Variants in ISLR observed in about 807,000 individuals in gnomAD.
ISLR encodes the protein immunoglobulin superfamily containing leucine-rich repeat protein.
Under a neutral mutation model 11.0 loss-of-function variants are expected in ISLR, and 9 were observed. The ratio of observed to expected loss-of-function variants is 0.82; its 90% CI spans 0.49 to 1.43. The LOEUF (loss-of-function observed/expected upper bound fraction) is 1.43, where lower values mean the gene tolerates loss of function less well. Among genes scored for constraint, ISLR ranks in the 40% most tolerant of loss-of-function variants. ISLR has a pLI of 0.00. For synonymous variants in ISLR, 262 were observed against 264.1 expected, an observed-to-expected ratio of 0.99 and a Z score of 0.08; for missense variants, 510 against 576.4, an observed-to-expected ratio of 0.88 and a Z score of 1.18.
rs942605055 is a variant in ISLR at position 74,176,583 on chromosome 15, A to G, written c.*438A>G. On this transcript the variant is annotated 3_prime_UTR_variant, in exon 2 of 2. Coordinates refer to ENST00000249842, the MANE Select transcript of ISLR (RefSeq NM_005545.4). ...GGAATGGGAGAGGAGGATGGGAAGT[A>G]GACAGTGGCTGGTATGGCTCTGAGG... 1.1e-5 allele frequency: 2 copies of G among 185,868 alleles called. No homozygotes were observed. The highest frequency in any genetic ancestry group is 3.4e-4 in the East Asian group (2 of 5,910). The allele number at this position is 185,868 out of a possible 1,614,324, so 11.5% of individuals were successfully genotyped here.
Position 74,175,290 on chromosome 15 carries a change from C to A in ISLR, c.432C>A (p.Ser144Arg), listed in dbSNP as rs769937742. The change falls in exon 2 of 2, where the codon AGC becomes AGA. Residue 144 changes from serine (S) to arginine (R), a missense_variant. Ser to Arg is a moderately radical substitution (Grantham distance 110, BLOSUM62 -1). Transcript: ENST00000249842. This position sits in a 1 kb window ranked among gnomAD's most constrained non-coding sequence, Gnocchi z 4.7. Reference sequence around the variant, plus strand: ...TCATCCCCCGCGACGCCTTCCGCAGCCTCCGTGCTCTGCGCTCGCTGCAAC... The same window carrying A: ...TCATCCCCCGCGACGCCTTCCGCAGACTCCGTGCTCTGCGCTCGCTGCAAC... ...LTFIPRDAFR[S>R]LRALRSLQLN... The A allele has an allele frequency of 1.5e-5, 24 of 1,612,118 alleles. No individual in the cohort carries two copies. The East Asian group carries it at 4.5e-4, about 30-fold the overall frequency.
rs2072794593 is a variant in ISLR, at chr15:74,176,201, T to C, written c.*56T>C. 4.7e-5 allele frequency: 68 copies of C among 1,442,782 alleles called. No individual in the cohort carries two copies. The highest frequency in any genetic ancestry group is 6.0e-5 in the Non-Finnish European group (64 of 1,070,266). 89.4% of individuals were successfully genotyped at this position (1,442,782 alleles called of 1,614,324 possible). A position where few individuals can be genotyped will look rare whatever the true frequency, so the allele number is the denominator to read the frequency against. On this transcript the variant is annotated 3_prime_UTR_variant, in exon 2 of 2. Coordinates refer to ENST00000249842, the MANE Select transcript of ISLR (RefSeq NM_005545.4). The stretch of plus-strand genomic sequence containing the variant: ...TTGCCCCTACCAATGCCCCTTTAAG[T>C]GCTGCAGGGGTCTGGGGTTGGCAAC...
In ISLR at chr15:74,175,472, A is replaced by C; in HGVS notation, c.614A>C (p.Gln205Pro). ...ACCACGGCCGTGTCCATCCCGGAGC[A>C]GGACAACATCGCCTGCACCTCACCC... is the stretch of plus-strand genomic sequence containing the variant. ...ALTTAVSIPE[Q>P]DNIACTSPHV... The change falls in exon 2 of 2, where the codon CAG (glutamine) becomes CCG (proline). Residue 205 changes from glutamine (Q) to proline (P), a missense_variant. Coordinates refer to ENST00000249842, the MANE Select transcript of ISLR (RefSeq NM_005545.4). The surrounding 1 kb of genome is among the most constrained non-coding windows in gnomAD (Gnocchi z 4.7). 1 of 1,610,920 alleles carries C rather than the reference A, an allele frequency of 6.2e-7. No homozygotes were observed. Among genetic ancestry groups the C allele is most frequent in the Non-Finnish European group, 8.5e-7 (1 of 1,179,958 alleles).
Position 74,175,666 on chromosome 15 carries a change from C to T in ISLR, c.808C>T (p.His270Tyr). 6.2e-7 allele frequency: 1 copy of T among 1,614,152 alleles called. No individual in the cohort carries two copies. Among genetic ancestry groups the T allele is most frequent in the South Asian group, 1.1e-5 (1 of 91,086 alleles). ...GCAGCCGGCCCCTCAGCTTCACTGG[C>T]ACATCCAGATACCCAGTGGCATTGT... is the stretch of plus-strand genomic sequence containing the variant. ...DGQPAPQLHW[H>Y]IQIPSGIVEI... The change falls in exon 2 of 2, where the codon CAC becomes TAC. Residue 270 changes from histidine to tyrosine, a missense_variant. Transcript: ENST00000249842. This position sits in a 1 kb window ranked among gnomAD's most constrained non-coding sequence, Gnocchi z 4.7.
chr15:74,174,622 C>G (rs920421091), intron 1 of ISLR: 10 of 458,752 alleles, frequency 2.2e-5, no homozygotes, highest in Middle Eastern at 5.5e-4. Flanking sequence ...TCTTCCATCC[C>G]GTCTTCATCC....
rs1314970189 is a variant in ISLR, at chr15:74,176,511, G to A, written c.*366G>A. 1 of 253,166 alleles carries A rather than the reference G, an allele frequency of 3.9e-6. No homozygotes were observed. Among genetic ancestry groups the A allele is most frequent in the Non-Finnish European group, 8.1e-6 (1 of 123,148 alleles). The allele number at this position is 253,166 out of a possible 1,614,324, so 15.7% of individuals were successfully genotyped here. A position where few individuals can be genotyped will look rare whatever the true frequency, so the allele number is the denominator to read the frequency against. ...GTCAAGCTGGCAAGGGCCAGGATTG[G>A]GGGAATGGAGCTGGGGCTTAGCTGG... On this transcript the variant is annotated 3_prime_UTR_variant, in exon 2 of 2. Transcript: ENST00000249842.
chr15:74,176,265 T>C lies in ISLR; in HGVS notation c.*120T>C. On this transcript the variant is annotated 3_prime_UTR_variant, in exon 2 of 2. Coordinates refer to ENST00000249842, the MANE Select transcript of ISLR (RefSeq NM_005545.4). ...ATGGGTGACTTCACATTTTCCTACC[T>C]CTCCTTCTAATCTCTTCTAGAGCAC... 1 of 741,806 alleles carries C rather than the reference T, an allele frequency of 1.3e-6. No homozygotes were observed. Among genetic ancestry groups the C allele is most frequent in the Non-Finnish European group, 2.2e-6 (1 of 460,774 alleles). 46.0% of individuals were successfully genotyped at this position (741,806 alleles called of 1,614,324 possible). A position where few individuals can be genotyped will look rare whatever the true frequency, so the allele number is the denominator to read the frequency against.
In ISLR at chr15:74,176,208, G is replaced by A. The variant is rs1409831172; in HGVS notation, c.*63G>A. The A allele has an allele frequency of 2.1e-6, 3 of 1,407,700 alleles. No individual in the cohort carries two copies. The highest frequency in any genetic ancestry group is 2.3e-5 in the East Asian group (1 of 42,710). 87.2% of individuals were successfully genotyped at this position (1,407,700 alleles called of 1,614,324 possible). ...TACCAATGCCCCTTTAAGTGCTGCA[G>A]GGGTCTGGGGTTGGCAACTCCTGAG... On this transcript the variant is annotated 3_prime_UTR_variant, in exon 2 of 2. Transcript: ENST00000249842.
rs1441114285 is a variant in ISLR, at chr15:74,175,746, T to C, written c.888T>C (p.Pro296=). The change falls in exon 2 of 2, where the codon CCT becomes CCC. Residue 296 remains proline, a synonymous_variant. Transcript: ENST00000249842. The surrounding 1 kb of genome is among the most constrained non-coding windows in gnomAD (Gnocchi z 4.7). ...GTDGRALPGT[P]VASSQPRFQA... ...ATGGGCGTGCCCTGCCTGGCACCCC[T>C]GTGGCCAGCTCCCAGCCGCGCTTCC... is the stretch of plus-strand genomic sequence containing the variant. 6 of 1,613,724 alleles carry C rather than the reference T, an allele frequency of 3.7e-6. No individual in the cohort carries two copies. The highest frequency in any genetic ancestry group is 4.2e-6 in the Non-Finnish European group (5 of 1,179,838).
In ISLR at chr15:74,175,247, A is replaced by G; in HGVS notation, c.389A>G (p.Asp130Gly). The part of the protein sequence containing the change: ...NLSALQLLKM[D>G]SNELTFIPRD... ...AGTGCCCTCCAATTGCTCAAGATGGACAGCAACGAGCTGACCTTCATCCCC... is the reference window on the plus strand; with the variant it reads ...AGTGCCCTCCAATTGCTCAAGATGGGCAGCAACGAGCTGACCTTCATCCCC... The change falls in exon 2 of 2, where the codon GAC (aspartate) becomes GGC (glycine). Residue 130 changes from aspartate to glycine, a missense_variant. Coordinates refer to ENST00000249842, the MANE Select transcript of ISLR (RefSeq NM_005545.4). This position sits in a 1 kb window ranked among gnomAD's most constrained non-coding sequence, Gnocchi z 4.7. 1.2e-6 allele frequency: 2 copies of G among 1,613,308 alleles called. No homozygotes were observed. The highest frequency in any genetic ancestry group is 1.7e-6 in the Non-Finnish European group (2 of 1,180,002).
At position 74,176,151 on chromosome 15, in the gene ISLR, C is replaced by G. The variant is rs752372223; in HGVS notation, c.*6C>G. 1 of 1,536,142 alleles carries G rather than the reference C, an allele frequency of 6.5e-7. No homozygotes were observed. The highest frequency in any genetic ancestry group is 8.8e-7 in the Non-Finnish European group (1 of 1,142,346). ...TCTTCCTCACCTCCTTCTAGCCCCA[C>G]CCAGGGCTTCCCTAACTCCTCCCCT... is the stretch of plus-strand genomic sequence containing the variant. On this transcript the variant is annotated 3_prime_UTR_variant, in exon 2 of 2. Coordinates refer to ENST00000249842, the MANE Select transcript of ISLR (RefSeq NM_005545.4).
chr15:74,175,962 CT>C lies in ISLR; in HGVS notation c.1105del (p.Cys369AlafsTer104), dbSNP rs767452160. ...FHGKAVEGKG[C>X]YTVDNEVQPS... is the part of the protein sequence containing the mutation. ...ATGGCAAAGCGGTTGAGGGAAAGGG[CT>C]GCTATACGGTTGACAACGAGGTGCA... On this transcript the variant is annotated frameshift_variant, in exon 2 of 2. Coordinates refer to ENST00000249842, the MANE Select transcript of ISLR (RefSeq NM_005545.4). LOFTEE classifies it low-confidence loss of function (END_TRUNC). The surrounding 1 kb of genome is among the most constrained non-coding windows in gnomAD (Gnocchi z 4.7). The C allele has an allele frequency of 6.2e-7, 1 of 1,611,244 alleles. No homozygotes were observed. The highest frequency in any genetic ancestry group is 8.5e-7 in the Non-Finnish European group (1 of 1,178,194).
At position 74,175,526 on chromosome 15, in the gene ISLR, G is replaced by A. The variant is rs753802533; in HGVS notation, c.668G>A (p.Arg223His). Residue 223 changes from arginine to histidine, a missense_variant, in exon 2 of 2, where the codon CGC (arginine) becomes CAC (histidine). By Grantham distance (29) the Arg-to-His change is conservative. Transcript: ENST00000249842. The surrounding 1 kb of genome is among the most constrained non-coding windows in gnomAD (Gnocchi z 4.7). ...GTGCTCAAGGGTACGCCGCTGAGCCGCCTGCCGCCACTGCCATGCTCGGCG... is the reference window on the plus strand; with the variant it reads ...GTGCTCAAGGGTACGCCGCTGAGCCACCTGCCGCCACTGCCATGCTCGGCG... ...PHVLKGTPLS[R>H]LPPLPCSAPS... is the part of the protein sequence containing the mutation. The A allele has an allele frequency of 1.6e-5, 25 of 1,609,302 alleles. No homozygotes were observed. The highest frequency in any genetic ancestry group is 5.3e-5 in the African/African-American group (4 of 74,920).
Position 74,175,848 on chromosome 15 carries a change from C to T in ISLR, c.990C>T (p.Thr330=), listed in dbSNP as rs1288262863. The part of the protein sequence containing the change: ...LEEGTYSCLA[T]NELGSAESSV... Reference sequence around the variant, plus strand: ...AAGGCACCTACAGCTGCCTGGCCACCAATGAGCTGGGCAGTGCTGAGAGCT... The same window carrying T: ...AAGGCACCTACAGCTGCCTGGCCACTAATGAGCTGGGCAGTGCTGAGAGCT... Residue 330 remains threonine (T), a synonymous_variant, in exon 2 of 2, where the codon ACC becomes ACT. Transcript: ENST00000249842. The surrounding 1 kb of genome is among the most constrained non-coding windows in gnomAD (Gnocchi z 4.7). 3.7e-6 allele frequency: 6 copies of T among 1,613,936 alleles called. No homozygotes were observed. The Admixed American group carries it at 6.7e-5, about 18-fold the overall frequency.
Position 74,175,375 on chromosome 15 carries a change from T to G in ISLR, c.517T>G (p.Ser173Ala). 6.2e-7 allele frequency: 1 copy of G among 1,611,558 alleles called. No homozygotes were observed. The highest frequency in any genetic ancestry group is 1.3e-5 in the African/African-American group (1 of 75,052). ...EGTFTPLTAL[S>A]HLQINENPFD... is the part of the protein sequence containing the mutation. The stretch of plus-strand genomic sequence containing the variant: ...CACCTTCACCCCGCTCACCGCGCTG[T>G]CCCACCTGCAGATCAACGAGAACCC... Residue 173 changes from serine (S) to alanine (A), a missense_variant, in exon 2 of 2, where the codon TCC (serine) becomes GCC (alanine). Coordinates refer to ENST00000249842, the MANE Select transcript of ISLR (RefSeq NM_005545.4). The surrounding 1 kb of genome is among the most constrained non-coding windows in gnomAD (Gnocchi z 4.7).
In ISLR at chr15:74,173,789, G is replaced by A. The variant is rs111365628; in HGVS notation, c.-239G>A. 352 of 154,522 alleles carry A rather than the reference G, an allele frequency of 2.3e-3. 3 individuals carry two copies. The highest frequency in any genetic ancestry group is 5.7e-3 in the Middle Eastern group (11 of 1,920). 9.6% of individuals were successfully genotyped at this position (154,522 alleles called of 1,614,324 possible). On this transcript the variant is annotated 5_prime_UTR_variant, in exon 1 of 2. Transcript: ENST00000249842. ...AAGGAGGGAGTGCGCGGGCTGCCCC[G>A]GGCTCCTCCCTGCCGCCTCCTCTCA...
rs2072799220 is a variant in ISLR at position 74,176,628 on chromosome 15, GC to G, written c.*484del. The G allele has an allele frequency of 5.8e-6, 1 of 172,900 alleles. No homozygotes were observed. Among genetic ancestry groups the G allele is most frequent in the Admixed American group, 6.4e-5 (1 of 15,624 alleles). The allele number at this position is 172,900 out of a possible 1,614,324, so 10.7% of individuals were successfully genotyped here. On this transcript the variant is annotated 3_prime_UTR_variant, in exon 2 of 2. Transcript: ENST00000249842. ...CTGAGGCTCCCTGGGGCCTGCTCAA[GC>G]TCCTCCTGCTCCTTGCTGTTTTCTG...
chr15:74,175,930 A>G lies in ISLR; in HGVS notation c.1072A>G (p.Arg358Gly). Residue 358 changes from arginine to glycine, a missense_variant, in exon 2 of 2, where the codon AGG becomes GGG. By Grantham distance (125) the Arg-to-Gly change is moderately radical (BLOSUM62 -2). Coordinates refer to ENST00000249842, the MANE Select transcript of ISLR (RefSeq NM_005545.4). This position sits in a 1 kb window ranked among gnomAD's most constrained non-coding sequence, Gnocchi z 4.7. ...GEGGEDTLGRRFHGKAVEGKG... is the reference protein window; with the variant it reads ...GEGGEDTLGRGFHGKAVEGKG... ...GGGTGGTGAGGACACACTGGGGCGC[A>G]GGTTCCATGGCAAAGCGGTTGAGGG... 1.2e-6 allele frequency: 2 copies of G among 1,611,220 alleles called. No homozygotes were observed. Among genetic ancestry groups the G allele is most frequent in the East Asian group, 2.2e-5 (1 of 44,784 alleles).
Position 74,175,485 on chromosome 15 carries a change from C to A in ISLR, c.627C>A (p.Ala209=). Residue 209 remains alanine (A), a synonymous_variant, in exon 2 of 2, where the codon GCC becomes GCA. Coordinates refer to ENST00000249842, the MANE Select transcript of ISLR (RefSeq NM_005545.4). The surrounding 1 kb of genome is among the most constrained non-coding windows in gnomAD (Gnocchi z 4.7). The stretch of plus-strand genomic sequence containing the variant: ...CCATCCCGGAGCAGGACAACATCGC[C>A]TGCACCTCACCCCATGTGCTCAAGG... ...AVSIPEQDNI[A]CTSPHVLKGT... 6.2e-7 allele frequency: 1 copy of A among 1,610,570 alleles called. No individual in the cohort carries two copies. Among genetic ancestry groups the A allele is most frequent in the Non-Finnish European group, 8.5e-7 (1 of 1,179,976 alleles).
Sources: gnomAD v4.1 joint callset for allele counts on GRCh38, gnomAD v4.1.1 for gene constraint, Gnocchi (gnomAD v3.1) non-coding constraint, MANE v1.5 for transcripts, NCBI Gene and HGNC (gene_info 2026-07-23, HGNC 2026-07-21) for gene names.